Variants in NELL1 observed in about 807,000 individuals in gnomAD.
The protein encoded by NELL1 is neural EGFL like 1.
NELL1 carries 76 observed loss-of-function variants against 107.4 expected under a neutral mutation model. The ratio of observed to expected loss-of-function variants is 0.71; its 90% confidence interval spans 0.59 to 0.86. NELL1 has a LOEUF of 0.86. Among genes scored for constraint, NELL1 ranks in the 40% least tolerant of loss-of-function variants. The pLI is 0.00. For missense variants in NELL1, 1,024 were observed against 1,005.5 expected (o/e 1.02, Z -0.25); for synonymous variants, 353 against 341.2 (o/e 1.03, Z -0.38).
At position 20,771,468 on chromosome 11, in the gene NELL1, A is replaced by G. The variant is rs139236604; in HGVS notation, c.185-12212A>G. On this transcript the variant is annotated intron_variant, in intron 2 of 19. Coordinates refer to ENST00000357134, the MANE Select transcript of NELL1 (RefSeq NM_006157.5). ...CTAAATTACTTGTGTGTGAGAGAAG[A>G]CAATTTCTTCAGGAGTATTTTCCTG... Among the ~76,000 whole-genome samples the G allele has an allele frequency of 4.2e-3, 640 of 152,336 alleles. 3 individuals are homozygous for G. The highest frequency in any genetic ancestry group is 7.3e-3 in the Non-Finnish European group (496 of 68,028).
At chr11:20,873,393 A>G (rs1005845652) in intron 4 of NELL1, among the ~76,000 whole-genome samples, 3 of 152,234 alleles carry the variant, frequency 2.0e-5, no homozygotes, top group South Asian at 4.1e-4. Context: ...AGTGGCTTCA[A>G]TGAGGTTTTT....
At chr11:21,142,556 C>T (rs1480976311) in intron 13 of NELL1, among the ~76,000 whole-genome samples, 1 of 152,204 alleles carries the variant, frequency 6.6e-6, no homozygotes, top group Admixed American at 6.5e-5. Flanking sequence ...GTGTCAGCTT[C>T]CTGCTTTATT....
At position 20,928,368 on chromosome 11, in the gene NELL1, C is replaced by T. The variant is rs1291042195; in HGVS notation, c.895-9C>T. The T allele has an allele frequency of 6.2e-7, 1 of 1,610,984 alleles. No homozygotes were observed. The highest frequency in any genetic ancestry group is 8.5e-7 in the Non-Finnish European group (1 of 1,177,252). ...TCTGAGATTATGTTCCATGTCCTTC[C>T]TTCCTCAGAGTGGTGCCGTGGAATG... On this transcript the variant is annotated splice_polypyrimidine_tract_variant and intron_variant, in intron 8 of 19. Transcript: ENST00000357134.
At chr11:21,279,652 A>T (rs1848947217) in intron 14 of NELL1, among the ~76,000 whole-genome samples, 2 of 152,192 alleles carry the variant, frequency 1.3e-5, no homozygotes, top group African/African-American at 4.8e-5. Context: ...TCACTTTGGA[A>T]AAAAGCAGTT....
At chr11:21,025,245 C>T (rs1852788898) in intron 12 of NELL1, among the ~76,000 whole-genome samples, 1 of 152,018 alleles carries the variant, frequency 6.6e-6, no homozygotes, top group Non-Finnish European at 1.5e-5. Context: ...CTCTATTGAG[C>T]TTTTGGTATA....
At chr11:21,474,930 T>C (rs1211961175) in intron 15 of NELL1, among the ~76,000 whole-genome samples, 3 of 152,120 alleles carry the variant, frequency 2.0e-5, no homozygotes, top group African/African-American at 7.2e-5. Context: ...TTGACCAAGC[T>C]TTTGTTGCAT....
chr11:21,500,559 A>G (rs965679236), intron 15 of NELL1, among the ~76,000 whole-genome samples: 3 of 152,090 alleles, frequency 2.0e-5, no homozygotes, highest in Non-Finnish European at 4.4e-5. Flanking sequence ...ACAGTTCCCA[A>G]CAATTCAATT....
intron 15 of NELL1, among the ~76,000 whole-genome samples, chr11:21,373,030 G>C (rs1453938286): frequency 1.3e-5 from 2 of 152,056 alleles, no homozygotes; most frequent in Non-Finnish European, 2.9e-5. Flanking sequence ...AAATATTAAA[G>C]TTGACATGGA....
In NELL1 at chr11:21,284,793, G is replaced by T. The variant is rs768964171; in HGVS notation, c.1549+55339G>T. 1.9e-4 allele frequency: 66 copies of T among 339,266 alleles called. 1 individual carries two copies. The highest frequency in any genetic ancestry group is 2.6e-4 in the Non-Finnish European group (45 of 171,072). The allele number at this position is 339,266 out of a possible 1,614,324, so 21.0% of individuals were successfully genotyped here. ...GCTGCTGGCAATTTGTATCATGCTG[G>T]ATTACCTCAAACTCCACTCCTATGC... On this transcript the variant is annotated intron_variant, in intron 14 of 19. Coordinates refer to ENST00000357134, the MANE Select transcript of NELL1 (RefSeq NM_006157.5).
rs145163413 is a variant in NELL1, at chr11:20,906,648, T to C, written c.604-11534T>C. 5.3e-5 allele frequency among the ~76,000 whole-genome samples: 8 copies of C among 152,172 alleles called. No individual in the cohort carries two copies. The East Asian group carries it at 1.5e-3, about 29-fold the overall frequency. ...AGTGTATTAAAAGGATTATGCACTA[T>C]GCCCAAGTGGGATTTATCCCAGGAG... On this transcript the variant is annotated intron_variant, in intron 5 of 19. Coordinates refer to ENST00000357134, the MANE Select transcript of NELL1 (RefSeq NM_006157.5).
At chr11:21,274,506 C>A (rs1590793879) in intron 14 of NELL1, among the ~76,000 whole-genome samples, 4 of 152,176 alleles carry the variant, frequency 2.6e-5, no homozygotes, top group Admixed American at 2.6e-4. Context: ...AGAAAATTAA[C>A]AACGATATCC....
chr11:20,863,948 A>T (rs1590360216), intron 4 of NELL1, among the ~76,000 whole-genome samples: 1 of 152,130 alleles, frequency 6.6e-6, no homozygotes, highest in African/African-American at 2.4e-5. Context: ...TCCACCAAAA[A>T]AATACGAAAA....
intron 15 of NELL1, among the ~76,000 whole-genome samples, chr11:21,494,527 A>G (rs1369025113): frequency 6.6e-6 from 1 of 151,970 alleles, no homozygotes; most frequent in Non-Finnish European, 1.5e-5. Context: ...ATATGTTATA[A>G]TACATTTTAC....
chr11:21,023,571 A>G (rs1452624698), intron 12 of NELL1, among the ~76,000 whole-genome samples: 1 of 151,948 alleles, frequency 6.6e-6, no homozygotes, highest in Admixed American at 6.6e-5. Context: ...CAATGCTGCT[A>G]AATTTTTTTT....
intron 12 of NELL1, among the ~76,000 whole-genome samples, chr11:21,104,057 C>T (rs757971359): frequency 5.3e-5 from 8 of 152,072 alleles, no homozygotes; most frequent in Non-Finnish European, 7.4e-5. Context: ...ATCCAAAAGA[C>T]GATAGTAGCT....
chr11:20,947,958 T>C (rs1398968099), intron 11 of NELL1, among the ~76,000 whole-genome samples: 1 of 152,216 alleles, frequency 6.6e-6, no homozygotes, highest in Non-Finnish European at 1.5e-5. Context: ...TGGTTGCTAA[T>C]TAATTATTGG....
chr11:21,192,597 T>C (rs942066873), intron 13 of NELL1, among the ~76,000 whole-genome samples: 16 of 151,858 alleles, frequency 1.1e-4, no homozygotes, highest in African/African-American at 3.6e-4. Context: ...AACAGATATA[T>C]TGTTTTCATC....
chr11:21,489,213 AC>A (rs1342199600), intron 15 of NELL1, among the ~76,000 whole-genome samples: 2 of 151,684 alleles, frequency 1.3e-5, no homozygotes, highest in Non-Finnish European at 2.9e-5. Context: ...CATACAACCT[AC>A]CAAGACTGAA....
intron 12 of NELL1, among the ~76,000 whole-genome samples, chr11:21,111,023 T>A (rs1174655383): frequency 6.6e-6 from 1 of 152,154 alleles, no homozygotes; most frequent in Non-Finnish European, 1.5e-5. Flanking sequence ...AGCTCCTTTT[T>A]GTAATTAAGT....
Sources: allele counts gnomAD v4.1 joint callset (sites outside exome capture counted in the v4.1 genomes callset), GRCh38; gene constraint gnomAD v4.1.1; transcripts MANE v1.5; gene names NCBI Gene and HGNC (gene_info 2026-07-23, HGNC 2026-07-21).